The following BARD1 variants were observed in gnomAD, a reference collection of about 807,000 sequenced individuals.
BARD1 encodes the protein BRCA1 associated RING domain 1, also known as BRCA1-associated RING domain protein 1.
A neutral mutation model predicts 77.0 loss-of-function variants in BARD1; 73 were observed. The ratio of observed to expected loss-of-function variants is 0.95; its 90% CI spans 0.79 to 1.15. BARD1 has a LOEUF of 1.15. Ranked by LOEUF, BARD1 falls within the 50% of genes most tolerant of loss-of-function variation. BARD1 has a pLI of 0.00. For synonymous variants in BARD1, 384 were observed against 338.0 expected (o/e 1.14, Z -1.49); for missense variants, 993 against 938.8 (o/e 1.06, Z -0.75).
chr2:214,751,117 G>GTGTATATATA (rs1486423673), intron 7 of BARD1, among the ~76,000 whole-genome samples: 8 of 16,266 alleles, frequency 4.9e-4, no homozygotes, highest in Non-Finnish European at 9.7e-4. Context: ...GTGTGTGTGT[G>GTGTATATATA]TATATATATA....
intron 3 of BARD1, among the ~76,000 whole-genome samples, chr2:214,786,422 T>C (rs147600380): frequency 2.0e-3 from 309 of 152,120 alleles, no homozygotes; most frequent in African/African-American, 7.1e-3. Context: ...CACCAGAAGA[T>C]TGTTAATGAT....
At chr2:214,793,950 T>G (rs899424789) in intron 2 of BARD1, among the ~76,000 whole-genome samples, 1 of 152,068 alleles carries the variant, frequency 6.6e-6, no homozygotes, top group Non-Finnish European at 1.5e-5. Flanking sequence ...GTGATGAACC[T>G]AAAGAAAACA....
chr2:214,803,289 C>T (rs1220241633), intron 1 of BARD1, among the ~76,000 whole-genome samples: 1 of 152,072 alleles, frequency 6.6e-6, no homozygotes, highest in Non-Finnish European at 1.5e-5. Flanking sequence ...GACCGTCCCC[C>T]AGCCCGACAC....
chr2:214,741,867 ACACTT>A (rs950919188), intron 9 of BARD1, among the ~76,000 whole-genome samples: 3 of 152,208 alleles, frequency 2.0e-5, no homozygotes, highest in African/African-American at 7.2e-5. Flanking sequence ...TTAAGACAGA[ACACTT>A]CAACAGAAAA....
intron 9 of BARD1, among the ~76,000 whole-genome samples, chr2:214,733,283 T>C (rs1398763776): frequency 6.6e-6 from 1 of 152,242 alleles, no homozygotes; most frequent in East Asian, 1.9e-4. Context: ...TTGGAATATT[T>C]GCACGTACAT....
At chr2:214,796,850 T>C in intron 2 of BARD1, 1 of 573,230 alleles carries the variant, frequency 1.7e-6, no homozygotes, top group Non-Finnish European at 3.1e-6. Context: ...GCTTTGTAAC[T>C]TGGACAAGTC....
chr2:214,763,107 CG>C, intron 6 of BARD1, among the ~76,000 whole-genome samples: 1 of 152,208 alleles, frequency 6.6e-6, no homozygotes, highest in South Asian at 2.1e-4. Context: ...ACATCACTAA[CG>C]GAAGTTCCTA....
chr2:214,769,983 TA>T (rs1299799584), intron 4 of BARD1, among the ~76,000 whole-genome samples: 1 of 152,210 alleles, frequency 6.6e-6, no homozygotes, highest in Non-Finnish European at 1.5e-5. Context: ...GAGTATTGTT[TA>T]AAACAACCAA....
intron 1 of BARD1, among the ~76,000 whole-genome samples, chr2:214,808,829 TTG>T (rs1696407758): frequency 6.6e-6 from 1 of 152,216 alleles, no homozygotes; most frequent in Admixed American, 6.5e-5. Flanking sequence ...ATACAGTCTT[TTG>T]AGCAAACTAA....
intron 3 of BARD1, among the ~76,000 whole-genome samples, chr2:214,785,072 T>C (rs575110864): frequency 1.2e-3 from 43 of 35,354 alleles, no homozygotes; most frequent in Non-Finnish European, 3.4e-3. Flanking sequence ...AGAAGCCTTT[T>C]CTTCCCTCTA....
chr2:214,765,071 T>C (rs1044144870), intron 6 of BARD1, among the ~76,000 whole-genome samples: 1 of 152,200 alleles, frequency 6.6e-6, no homozygotes, highest in Non-Finnish European at 1.5e-5. Flanking sequence ...CTGGCACATA[T>C]GGTTAAAATA....
chr2:214,809,415 C>T lies in BARD1; in HGVS notation c.155G>A (p.Arg52His), dbSNP rs574257684. Reference sequence around the variant, plus strand: ...CCCCAAGAAGCTCCGTCTTTACCAACGCGAGCAGCGCAGCAGCTTCTCCAG... The same window carrying T: ...CCCCAAGAAGCTCCGTCTTTACCAATGCGAGCAGCGCAGCAGCTTCTCCAG... ...DRLEKLLRCS[R>H]CTNILREPVC... Residue 52 changes from arginine (R) to histidine (H), a missense_variant, in exon 1 of 11, where the codon CGT becomes CAT. By Grantham distance (29) the Arg-to-His change is conservative. Transcript: ENST00000260947. 2 of 1,612,480 alleles carry T rather than the reference C, an allele frequency of 1.2e-6. No homozygotes were observed. The highest frequency in any genetic ancestry group is 1.7e-6 in the Non-Finnish European group (2 of 1,179,844).
chr2:214,743,676 CG>C (rs1692953956), intron 9 of BARD1, among the ~76,000 whole-genome samples: 1 of 146,222 alleles, frequency 6.8e-6, no homozygotes, highest in Admixed American at 7.0e-5. Context: ...CTCCACCTCC[CG>C]GGGTCAAGTG....
chr2:214,773,074 A>G (rs1441017995), intron 4 of BARD1, among the ~76,000 whole-genome samples: 1 of 152,190 alleles, frequency 6.6e-6, no homozygotes, highest in Non-Finnish European at 1.5e-5. Flanking sequence ...TGTGTGTCCC[A>G]CTGAATCTTT....
chr2:214,803,358 T>C (rs1028924858), intron 1 of BARD1, among the ~76,000 whole-genome samples: 1 of 152,130 alleles, frequency 6.6e-6, no homozygotes, highest in African/African-American at 2.4e-5. Context: ...CTCTTGCAGT[T>C]GAGACAAGAG....
chr2:214,748,338 G>A (rs989625130), intron 7 of BARD1, among the ~76,000 whole-genome samples: 1 of 152,142 alleles, frequency 6.6e-6, no homozygotes, highest in East Asian at 1.9e-4. Context: ...ATAAGCATAG[G>A]TCTCTGACCC....
At chr2:214,781,971 T>C (rs1204506947) in intron 3 of BARD1, among the ~76,000 whole-genome samples, 2 of 152,282 alleles carry the variant, frequency 1.3e-5, no homozygotes, top group East Asian at 3.9e-4. Flanking sequence ...TAGGCTTGTT[T>C]GTAAAACTCG....
chr2:214,778,935 T>C (rs1694854976), intron 4 of BARD1, among the ~76,000 whole-genome samples: 1 of 152,210 alleles, frequency 6.6e-6, no homozygotes, highest in Admixed American at 6.5e-5. Context: ...TATAAATTAC[T>C]ATGTATTAGC....
intron 9 of BARD1, among the ~76,000 whole-genome samples, chr2:214,739,894 A>T (rs377450030): frequency 1.1e-4 from 16 of 152,178 alleles, no homozygotes; most frequent in African/African-American, 3.8e-4. Flanking sequence ...ATTTTACTTA[A>T]TGCATTGAGA....
Sources: allele counts gnomAD v4.1 joint callset (sites outside exome capture counted in the v4.1 genomes callset), GRCh38; gene constraint gnomAD v4.1.1; transcripts MANE v1.5; gene names NCBI Gene and HGNC (gene_info 2026-07-23, HGNC 2026-07-21).